The following SLC35A3 variants were observed in gnomAD, a reference collection of about 807,000 sequenced individuals.
SLC35A3 encodes UDP-N-acetylglucosamine transporter.
A neutral mutation model predicts 39.0 loss-of-function variants in SLC35A3; 26 were observed. That is an observed-to-expected ratio of 0.67 (90% CI 0.49 to 0.92). The LOEUF is 0.92. Ranked by LOEUF, SLC35A3 falls within the 40% of genes least tolerant of loss-of-function variation. The pLI is 0.00. For missense variants in SLC35A3, 299 were observed against 371.6 expected (o/e 0.80, Z 1.61); for synonymous variants, 135 against 133.1 (o/e 1.01, Z -0.10).
intron 1 of SLC35A3, chr1:99,970,546 C>T (rs1400873872): frequency 1.3e-6 from 2 of 1,535,692 alleles, no homozygotes; most frequent in African/African-American, 1.4e-5. Flanking sequence ...CATGAGCTCT[C>T]GCTCGGTGTT....
intron 1 of SLC35A3, among the ~76,000 whole-genome samples, chr1:99,977,556 A>AAGGGAGGAAGGG (rs200880166): frequency 1.2e-3 from 143 of 119,278 alleles, no homozygotes; most frequent in African/African-American, 2.9e-3. Flanking sequence ...AGGAAGGAGG[A>AAGGGAGGAAGGG]AGGGAGGAAG....
In SLC35A3 at chr1:100,028,928, A is replaced by C. The variant is rs1661072663; in HGVS notation, c.*6452A>C. The C allele has an allele frequency of 6.6e-6, 1 of 152,258 alleles. No homozygotes were observed. Among genetic ancestry groups the C allele is most frequent in the South Asian group, 2.1e-4 (1 of 4,832 alleles). 9.4% of individuals were successfully genotyped at this position (152,258 alleles called of 1,614,324 possible). A position where few individuals can be genotyped will look rare whatever the true frequency, so the allele number is the denominator to read the frequency against. The stretch of plus-strand genomic sequence containing the variant: ...AGCCAAAGGAAGTGACACATAAAAC[A>C]GAGTCTAGGAGTGGTCCAAACTTGA... On this transcript the variant is annotated 3_prime_UTR_variant, in exon 8 of 8. Coordinates refer to ENST00000533028, the MANE Select transcript of SLC35A3 (RefSeq NM_012243.3).
At chr1:100,016,849 A>G (rs1297996653) in intron 6 of SLC35A3, among the ~76,000 whole-genome samples, 2 of 152,222 alleles carry the variant, frequency 1.3e-5, no homozygotes, top group African/African-American at 4.8e-5. Flanking sequence ...GGCTGAAGAT[A>G]TGAGAAAAAT....
At chr1:99,970,461 C>A in intron 1 of SLC35A3, 1 of 998,150 alleles carries the variant, frequency 1.0e-6, no homozygotes, top group Non-Finnish European at 1.5e-6. Flanking sequence ...GCAGTGTGTG[C>A]CTCAGCGCCT....
chr1:99,982,482 TA>T (rs963728193), intron 1 of SLC35A3, among the ~76,000 whole-genome samples: 8 of 152,158 alleles, frequency 5.3e-5, no homozygotes, highest in Non-Finnish European at 1.2e-4. Flanking sequence ...ATATAATGTA[TA>T]TTTTTTAAAT....
chr1:99,971,607 C>T (rs1477304869), intron 1 of SLC35A3, among the ~76,000 whole-genome samples: 2 of 152,092 alleles, frequency 1.3e-5, no homozygotes, highest in Non-Finnish European at 2.9e-5. Context: ...GCACCCGGCC[C>T]CCAATATGAT....
At chr1:99,972,353 G>A (rs189058371) in intron 1 of SLC35A3, among the ~76,000 whole-genome samples, 1 of 129,054 alleles carries the variant, frequency 7.7e-6, no homozygotes, top group Admixed American at 7.7e-5. Context: ...TTTTTTTTGA[G>A]ATGGAGTCTT....
chr1:99,973,988 C>A (rs1478893289), intron 1 of SLC35A3, among the ~76,000 whole-genome samples: 1 of 144,942 alleles, frequency 6.9e-6, no homozygotes, highest in African/African-American at 2.6e-5. Flanking sequence ...GCACTCCAGC[C>A]TGGGCGACAG....
At chr1:100,001,612 G>A (rs1658806041) in intron 3 of SLC35A3, among the ~76,000 whole-genome samples, 1 of 151,778 alleles carries the variant, frequency 6.6e-6, no homozygotes, top group South Asian at 2.1e-4. Flanking sequence ...AATCTTTAGG[G>A]TCCTCTCTAT....
chr1:100,019,598 A>C (rs181398225), intron 7 of SLC35A3, among the ~76,000 whole-genome samples: 5 of 152,182 alleles, frequency 3.3e-5, no homozygotes, highest in African/African-American at 1.2e-4. Context: ...GTAATAATAT[A>C]TTTGCCTTTA....
chr1:100,025,988 T>C lies in SLC35A3; in HGVS notation c.*3512T>C, dbSNP rs1660893061. The stretch of plus-strand genomic sequence containing the variant: ...TTTTAGAGATGTTGTAGGCTACTTT[T>C]ACGGTGGAATATATAGTATAGAGAT... On this transcript the variant is annotated 3_prime_UTR_variant, in exon 8 of 8. Coordinates refer to ENST00000533028, the MANE Select transcript of SLC35A3 (RefSeq NM_012243.3). The C allele has an allele frequency of 6.6e-6, 1 of 152,186 alleles. No individual in the cohort carries two copies. The highest frequency in any genetic ancestry group is 6.5e-5 in the Admixed American group (1 of 15,280). The allele number at this position is 152,186 out of a possible 1,614,324, so 9.4% of individuals were successfully genotyped here. A position where few individuals can be genotyped will look rare whatever the true frequency, so the allele number is the denominator to read the frequency against.
At chr1:100,005,644 A>AT (rs1302980811) in intron 3 of SLC35A3, among the ~76,000 whole-genome samples, 1 of 151,638 alleles carries the variant, frequency 6.6e-6, no homozygotes, top group Non-Finnish European at 1.5e-5. Context: ...TCTTGGTTGG[A>AT]TTTTTTATTT....
At chr1:100,014,609 G>C (rs1460586438) in intron 5 of SLC35A3, among the ~76,000 whole-genome samples, 1 of 152,150 alleles carries the variant, frequency 6.6e-6, no homozygotes, top group Non-Finnish European at 1.5e-5. Flanking sequence ...GAAAAATCTA[G>C]ATCTAGCAAG....
In SLC35A3 at chr1:100,030,699, T is replaced by C. The variant is rs1267372380; in HGVS notation, c.*8223T>C. On this transcript the variant is annotated 3_prime_UTR_variant, in exon 8 of 8. Transcript: ENST00000533028. ...TGTGTGTGTTTGGTCTTTTAAAAGATACTGCATGTACAAACATGATTTCTA... is the reference window on the plus strand; with the variant it reads ...TGTGTGTGTTTGGTCTTTTAAAAGACACTGCATGTACAAACATGATTTCTA... The C allele has an allele frequency of 6.6e-6, 1 of 152,222 alleles. No individual in the cohort carries two copies. The highest frequency in any genetic ancestry group is 1.5e-5 in the Non-Finnish European group (1 of 68,024). The allele number at this position is 152,222 out of a possible 1,614,324, so 9.4% of individuals were successfully genotyped here. A position where few individuals can be genotyped will look rare whatever the true frequency, so the allele number is the denominator to read the frequency against.
At chr1:99,991,997 T>A (rs1043679898) in intron 1 of SLC35A3, among the ~76,000 whole-genome samples, 1 of 152,220 alleles carries the variant, frequency 6.6e-6, no homozygotes, top group Non-Finnish European at 1.5e-5. Context: ...TCTACCTGCC[T>A]CAGCCTCCCA....
chr1:99,970,397 G>T, intron 1 of SLC35A3: 1 of 619,864 alleles, frequency 1.6e-6, no homozygotes, highest in South Asian at 1.9e-5. Flanking sequence ...GAATGTACTG[G>T]GTGGAGGAGG....
chr1:100,014,537 A>G (rs956100503), intron 5 of SLC35A3, among the ~76,000 whole-genome samples: 2 of 152,128 alleles, frequency 1.3e-5, no homozygotes, highest in Admixed American at 6.5e-5. Context: ...ACTTCTTAAT[A>G]GGGAAAAATA....
chr1:100,034,631 G>A lies in SLC35A3; in HGVS notation c.*12155G>A, dbSNP rs1661403122. On this transcript the variant is annotated 3_prime_UTR_variant, in exon 8 of 8. Transcript: ENST00000533028. ...ATAACAGGTGGCTCTATAGAATGGA[G>A]GGTAGAAGGGATGTGGGTGACTTAC... 6.6e-6 allele frequency: 1 copy of A among 152,146 alleles called. No individual in the cohort carries two copies. The highest frequency in any genetic ancestry group is 2.1e-4 in the South Asian group (1 of 4,826). 9.4% of individuals were successfully genotyped at this position (152,146 alleles called of 1,614,324 possible).
chr1:100,000,819 C>T (rs930255102), intron 3 of SLC35A3: 1 of 151,760 alleles, frequency 6.6e-6, no homozygotes, highest in Non-Finnish European at 1.5e-5. Flanking sequence ...CTATTTTCTT[C>T]TAGTAGTAGT....
Sources: allele counts gnomAD v4.1 joint callset (sites outside exome capture counted in the v4.1 genomes callset), GRCh38; gene constraint gnomAD v4.1.1; transcripts MANE v1.5; gene names NCBI Gene and HGNC (gene_info 2026-07-23, HGNC 2026-07-21).